Variants in TTC23L observed in about 807,000 individuals in gnomAD.
TTC23L encodes the protein tetratricopeptide repeat protein 23-like.
TTC23L carries 42 observed loss-of-function variants against 48.1 expected under a neutral mutation model. The observed-to-expected ratio is 0.87, with a 90% confidence interval of 0.68 to 1.13. The LOEUF (loss-of-function observed/expected upper bound fraction) is 1.13, where lower values mean the gene tolerates loss of function less well. TTC23L is among the 50% of genes most tolerant of loss of function. The pLI, the probability that TTC23L is intolerant of heterozygous loss-of-function variation, is 0.00. For synonymous variants in TTC23L, 159 were observed against 157.2 expected, an observed-to-expected ratio of 1.01 and a Z score of -0.09; for missense variants, 391 against 421.0, an observed-to-expected ratio of 0.93 and a Z score of 0.62.
the TTC23L span, among the ~76,000 whole-genome samples, chr5:34,917,088 G>C: frequency 4.6e-5 from 7 of 152,064 alleles, no homozygotes; most frequent in African/African-American, 1.7e-4. Flanking sequence ...CTGCATATCA[G>C]AGGAAGTGTA....
chr5:34,916,213 T>C, the TTC23L span: 5 of 219,620 alleles, frequency 2.3e-5, no homozygotes, highest in Admixed American at 1.1e-4. Context: ...TTTTGGAGAG[T>C]AGTGCTTTTC....
chr5:34,880,854 GTCT>G (rs1762182441), intron 9 of TTC23L, among the ~76,000 whole-genome samples: 2 of 152,202 alleles, frequency 1.3e-5, no homozygotes, highest in Middle Eastern at 3.4e-3. Flanking sequence ...GACCAGTCTG[GTCT>G]TGAACTCCTG....
At chr5:34,925,609 G>T in the TTC23L span, 1 of 866,484 alleles carries the variant, frequency 1.2e-6, no homozygotes, top group East Asian at 2.9e-5. Flanking sequence ...GCATTTACAA[G>T]AAAGAAAAAT....
At chr5:34,886,950 GC>G (rs1762581108) in intron 9 of TTC23L, among the ~76,000 whole-genome samples, 1 of 152,142 alleles carries the variant, frequency 6.6e-6, no homozygotes, top group Admixed American at 6.5e-5. Flanking sequence ...GTGGGGTGTG[GC>G]AAGAGGTGTT....
chr5:34,922,497 C>T, the TTC23L span: 1 of 1,291,636 alleles, frequency 7.7e-7, no homozygotes, highest in Non-Finnish European at 1.1e-6. Context: ...GCATTGACTA[C>T]ATTTGCTAAT....
At chr5:34,919,861 A>T in the TTC23L span, 2 of 1,195,066 alleles carry the variant, frequency 1.7e-6, no homozygotes, top group Non-Finnish European at 2.4e-6. Flanking sequence ...GATCGTAAGG[A>T]TAAGCTATTT....
At chr5:34,902,474 T>TATCA, downstream of TTC23L, 1 of 301,398 alleles carries the variant, frequency 3.3e-6, no homozygotes, top group East Asian at 9.1e-5. Flanking sequence ...GATCCAAGTG[T>TATCA]ATCACTATCA....
At chr5:34,876,429 C>A (rs2111594687) in intron 8 of TTC23L, among the ~76,000 whole-genome samples, 1 of 150,226 alleles carries the variant, frequency 6.7e-6, no homozygotes, top group Non-Finnish European at 1.5e-5. Context: ...GGAGACATCA[C>A]TACAGATCCA....
intron 9 of TTC23L, chr5:34,888,436 T>G (rs1762665315): frequency 1.0e-6 from 1 of 979,866 alleles, no homozygotes; most frequent in African/African-American, 1.7e-5. Context: ...TTTAACCTGT[T>G]GTTTCTCACC....
intron 2 of TTC23L, among the ~76,000 whole-genome samples, chr5:34,841,881 G>T (rs142338796): frequency 1.7e-3 from 255 of 152,278 alleles, no homozygotes; most frequent in African/African-American, 5.6e-3. Flanking sequence ...TGACATTGGG[G>T]TTGGATAACT....
chr5:34,845,482 T>A lies in TTC23L; in HGVS notation c.69-5T>A. The A allele has an allele frequency of 3.7e-6, 6 of 1,611,858 alleles. No homozygotes were observed. Among genetic ancestry groups the A allele is most frequent in the Non-Finnish European group, 4.2e-6 (5 of 1,179,190 alleles). Reference sequence around the variant, plus strand: ...CCTGAATCCTTGCCTCTCTCATACCTACAGGTCACAGCAAACCGAGATCCC... The same window carrying A: ...CCTGAATCCTTGCCTCTCTCATACCAACAGGTCACAGCAAACCGAGATCCC... On this transcript the variant is annotated splice_region_variant and splice_polypyrimidine_tract_variant and intron_variant, in intron 2 of 10. Coordinates refer to ENST00000505624, the Ensembl canonical transcript of TTC23L.
intron 9 of TTC23L, among the ~76,000 whole-genome samples, chr5:34,896,505 A>G (rs996808974): frequency 6.6e-6 from 1 of 152,216 alleles, no homozygotes; most frequent in African/African-American, 2.4e-5. Flanking sequence ...CAGTTTCTTC[A>G]TCTTCATTCA....
chr5:34,876,598 G>T (rs1580466164), intron 8 of TTC23L, among the ~76,000 whole-genome samples: 2 of 150,388 alleles, frequency 1.3e-5, no homozygotes, highest in East Asian at 1.9e-4. Context: ...TTCTATTAAA[G>T]AAATTGAATC....
chr5:34,922,806 TA>T, the TTC23L span: 2 of 1,565,258 alleles, frequency 1.3e-6, no homozygotes, highest in South Asian at 2.3e-5. Context: ...CTAATTTTCT[TA>T]TCTGGCATGG....
chr5:34,854,960 T>C (rs1760001585), intron 4 of TTC23L, among the ~76,000 whole-genome samples: 1 of 152,094 alleles, frequency 6.6e-6, no homozygotes, highest in Non-Finnish European at 1.5e-5. Flanking sequence ...GCAGAGATGA[T>C]AGATTCAAGG....
At chr5:34,915,114 G>A in the TTC23L span, among the ~76,000 whole-genome samples, 1 of 152,188 alleles carries the variant, frequency 6.6e-6, no homozygotes, top group East Asian at 1.9e-4. Context: ...AATTCTGGAG[G>A]AAAATTATCT....
At chr5:34,842,084 A>C (rs1160520358) in intron 2 of TTC23L, among the ~76,000 whole-genome samples, 6 of 152,226 alleles carry the variant, frequency 3.9e-5, no homozygotes, top group Non-Finnish European at 7.3e-5. Context: ...ATCAAATAGA[A>C]ATATAATGCA....
the TTC23L span, chr5:34,907,029 T>C: frequency 6.6e-6 from 1 of 152,212 alleles, no homozygotes; most frequent in East Asian, 1.9e-4. Context: ...CTAAATTTTG[T>C]ATGCTGAGAT....
At chr5:34,923,681 G>A in the TTC23L span, among the ~76,000 whole-genome samples, 1 of 152,284 alleles carries the variant, frequency 6.6e-6, no homozygotes, top group Non-Finnish European at 1.5e-5. Context: ...AGGTGGGATT[G>A]CAGTTGTGAG....
Sources: gnomAD v4.1 joint callset for allele counts (sites outside exome capture counted in the v4.1 genomes callset) on GRCh38, gnomAD v4.1.1 for gene constraint, MANE v1.5 for transcripts, NCBI Gene and HGNC (gene_info 2026-07-23, HGNC 2026-07-21) for gene names.